KANSL1L: variants seen among roughly 807,000 people sequenced by gnomAD.
KANSL1L encodes KAT8 regulatory NSL complex subunit 1-like protein.
Under a neutral mutation model 108.6 loss-of-function variants are expected in KANSL1L, and 25 were observed. The observed-to-expected ratio is 0.23, with a 90% CI of 0.17 to 0.32. KANSL1L has a LOEUF of 0.32. Among genes scored for constraint, KANSL1L ranks in the 10% least tolerant of loss-of-function variants. The pLI, the probability that KANSL1L is intolerant of heterozygous loss-of-function variation, is 1.00. For synonymous variants in KANSL1L, 405 were observed against 395.1 expected (o/e 1.03, Z -0.30); for missense variants, 1,137 against 1,125.7 (o/e 1.01, Z -0.14).
At chr2:210,024,230 A>AT in intron 13 of KANSL1L, 29 bp from the exon 14 acceptor site, 1 of 1,502,430 alleles carries the variant, frequency 6.7e-7, no homozygotes, top group Non-Finnish European at 8.9e-7. Context: ...AAACACAATT[A>AT]TTTTTTATTT....
At chr2:210,033,441 C>A (rs911667139) in intron 8 of KANSL1L, among the ~76,000 whole-genome samples, 3 of 152,218 alleles carry the variant, frequency 2.0e-5, no homozygotes, top group Non-Finnish European at 4.4e-5. Context: ...TTAAGCAAAT[C>A]ATAGACAATT....
intron 2 of KANSL1L, among the ~76,000 whole-genome samples, chr2:210,140,136 G>A (rs1414469020): frequency 6.6e-6 from 1 of 152,112 alleles, no homozygotes; most frequent in Admixed American, 6.5e-5. Flanking sequence ...TTCATAGGTT[G>A]TCTCTTCACT....
intron 1 of KANSL1L, among the ~76,000 whole-genome samples, chr2:210,160,984 A>C (rs2095358155): frequency 6.7e-6 from 1 of 148,504 alleles, no homozygotes; most frequent in Admixed American, 6.7e-5. Flanking sequence ...ACATACGGCC[A>C]ATTTTTTTTT....
chr2:210,043,934 C>T lies in KANSL1L; in HGVS notation c.1921+5G>A. The stretch of plus-strand genomic sequence containing the variant: ...TTACTTAGAAATTGTTACAAGGAGG[C>T]TTACCTGATGGCAATGATAGAACAG... On this transcript the variant is annotated splice_donor_5th_base_variant and intron_variant, in intron 7 of 14. Coordinates refer to ENST00000281772, the MANE Select transcript of KANSL1L (RefSeq NM_152519.4). 6.4e-7 allele frequency: 1 copy of T among 1,570,746 alleles called. No homozygotes were observed. The highest frequency in any genetic ancestry group is 1.2e-5 in the South Asian group (1 of 84,694).
intron 1 of KANSL1L, among the ~76,000 whole-genome samples, chr2:210,164,556 G>T (rs2125682450): frequency 6.6e-6 from 1 of 152,068 alleles, no homozygotes; most frequent in Middle Eastern, 3.4e-3. Context: ...ATACACCCAA[G>T]ATACTTAGGA....
chr2:210,113,836 G>GA (rs2094930608), intron 3 of KANSL1L, among the ~76,000 whole-genome samples: 1 of 152,020 alleles, frequency 6.6e-6, no homozygotes, highest in Non-Finnish European at 1.5e-5. Context: ...GAACAGGCAG[G>GA]AAAAACATCA....
intron 5 of KANSL1L, 189 bp downstream of exon 5, chr2:210,097,897 T>C: frequency 2.9e-6 from 1 of 341,592 alleles, no homozygotes; most frequent in Non-Finnish European, 5.3e-6. Flanking sequence ...CATTCCTAGA[T>C]TTATCATTAC....
At chr2:210,130,798 G>A (rs2095112796) in intron 2 of KANSL1L, among the ~76,000 whole-genome samples, 1 of 150,460 alleles carries the variant, frequency 6.6e-6, no homozygotes, top group East Asian at 2.0e-4. Context: ...AGGATAAAAT[G>A]TTTGGATTTT....
intron 2 of KANSL1L, among the ~76,000 whole-genome samples, chr2:210,144,232 T>C (rs1296464397): frequency 6.6e-6 from 1 of 152,188 alleles, no homozygotes; most frequent in African/African-American, 2.4e-5. Context: ...AGATTTTCTC[T>C]TGCTGTTTTC....
At chr2:210,109,909 G>A (rs1336816390) in intron 3 of KANSL1L, among the ~76,000 whole-genome samples, 2 of 152,062 alleles carry the variant, frequency 1.3e-5, no homozygotes, top group Non-Finnish European at 2.9e-5. Context: ...GAACTGCAAA[G>A]CTCTTAACCT....
intron 6 of KANSL1L, among the ~76,000 whole-genome samples, chr2:210,063,090 C>A (rs1402801049): frequency 1.3e-5 from 2 of 152,174 alleles, no homozygotes; most frequent in Non-Finnish European, 2.9e-5. Flanking sequence ...GAACTTGGTG[C>A]CCTGTGTCCC....
intron 3 of KANSL1L, among the ~76,000 whole-genome samples, chr2:210,117,929 C>G (rs1005159771): frequency 4.6e-5 from 7 of 151,980 alleles, no homozygotes; most frequent in African/African-American, 1.7e-4. Context: ...TTTGGGAGGC[C>G]GAGACAGGTG....
At chr2:210,045,819 C>A (rs1486238737) in intron 6 of KANSL1L, among the ~76,000 whole-genome samples, 1 of 152,074 alleles carries the variant, frequency 6.6e-6, no homozygotes, top group South Asian at 2.1e-4. Context: ...TTTATTACTG[C>A]CCCCACTTGA....
chr2:210,157,942 T>C (rs903371591), intron 1 of KANSL1L, among the ~76,000 whole-genome samples: 1 of 151,916 alleles, frequency 6.6e-6, no homozygotes, highest in Non-Finnish European at 1.5e-5. Flanking sequence ...GAAATACAAT[T>C]CGTAGCAAAA....
At chr2:210,133,491 C>T (rs2095145728) in intron 2 of KANSL1L, among the ~76,000 whole-genome samples, 1 of 152,024 alleles carries the variant, frequency 6.6e-6, no homozygotes, top group African/African-American at 2.4e-5. Flanking sequence ...TAGTATTCTT[C>T]TAAATAATCT....
Position 210,073,536 on chromosome 2 carries a change from AT to A in KANSL1L, c.1755+2015del, listed in dbSNP as rs1362832040. ...CATAGCGAGATGTCTAAAAAAAAAA[AT>A]GGAAAAGAAAAAAAAAACTCAGTTC... On this transcript the variant is annotated intron_variant, in intron 6 of 14. Coordinates refer to ENST00000281772, the MANE Select transcript of KANSL1L (RefSeq NM_152519.4). Among the ~76,000 whole-genome samples, 312 of 152,028 alleles carry A rather than the reference AT, an allele frequency of 2.1e-3. 1 individual carries two copies. Among genetic ancestry groups the A allele is most frequent in the African/African-American group, 6.9e-3 (287 of 41,482 alleles).
rs60144283 is a variant in KANSL1L at position 210,079,612 on chromosome 2, GTA to G, written c.1551-3858_1551-3857del. Among the ~76,000 whole-genome samples, 165 of 65,554 alleles carry G rather than the reference GTA, an allele frequency of 2.5e-3. 4 individuals carry two copies. Among genetic ancestry groups the G allele is most frequent in the African/African-American group, 9.1e-3 (96 of 10,606 alleles). 43.0% of individuals were successfully genotyped at this position (65,554 alleles called of 152,430 possible). On this transcript the variant is annotated intron_variant, in intron 5 of 14. Transcript: ENST00000281772. ...TCTCAAAAAAAAAAAATATGTATGT[GTA>G]TATATATATATATATATATATATAT...
intron 5 of KANSL1L, among the ~76,000 whole-genome samples, chr2:210,092,553 A>G (rs577482486): frequency 6.6e-5 from 10 of 152,248 alleles, no homozygotes; most frequent in Admixed American, 2.0e-4. Context: ...TGGCATTTTA[A>G]GCCTATCTTT....
At chr2:210,035,183 A>T (rs189935741) in intron 8 of KANSL1L, 23 of 152,352 alleles carry the variant, frequency 1.5e-4, no homozygotes, top group Admixed American at 1.5e-3. Context: ...AGATCTCATT[A>T]AGGTCTTATA....
Sources: gnomAD v4.1 joint callset for allele counts (sites outside exome capture counted in the v4.1 genomes callset) on GRCh38, gnomAD v4.1.1 for gene constraint, MANE v1.5 for transcripts, NCBI Gene and HGNC (gene_info 2026-07-23, HGNC 2026-07-21) for gene names.